Variants in CLDN16 observed in about 807,000 individuals in gnomAD.
CLDN16 encodes claudin-16.
CLDN16 carries 13 observed loss-of-function variants against 24.6 expected under a neutral mutation model. The observed-to-expected ratio is 0.53, with a 90% confidence interval of 0.34 to 0.84. CLDN16 has a LOEUF of 0.84. Among genes scored for constraint, CLDN16 ranks in the 40% least tolerant of loss-of-function variants. The probability of loss-of-function intolerance (pLI) is 0.01; values close to 1 mark genes in which losing one functional copy is unlikely to be tolerated. For synonymous variants in CLDN16, 116 were observed against 106.7 expected (o/e 1.09, Z -0.54); for missense variants, 298 against 292.7 (o/e 1.02, Z -0.13).
chr3:190,314,287 A>G, the CLDN16 span, among the ~76,000 whole-genome samples: 1 of 152,222 alleles, frequency 6.6e-6, no homozygotes, highest in Non-Finnish European at 1.5e-5. Flanking sequence ...AACTTAGGTC[A>G]CCAATCATAA....
At chr3:190,378,067 A>G (rs1358874605) in intron 3 of CLDN16, among the ~76,000 whole-genome samples, 1 of 151,932 alleles carries the variant, frequency 6.6e-6, no homozygotes, top group African/African-American at 2.4e-5. Flanking sequence ...TCCATTATTT[A>G]CTTACTGGAA....
At chr3:190,401,965 A>ATT (rs964517440) in intron 1 of CLDN16, among the ~76,000 whole-genome samples, 2 of 151,242 alleles carry the variant, frequency 1.3e-5, no homozygotes, top group Admixed American at 1.3e-4. Context: ...ATATATATAT[A>ATT]TTTTTTGGTG....
At chr3:190,363,304 A>G (rs1717940472) in intron 1 of CLDN16, among the ~76,000 whole-genome samples, 1 of 149,780 alleles carries the variant, frequency 6.7e-6, no homozygotes, top group African/African-American at 2.4e-5. Context: ...TTTTTCTACA[A>G]CTCCCATTTA....
chr3:190,303,039 T>A, the CLDN16 span, among the ~76,000 whole-genome samples: 87,637 of 151,728 alleles, frequency 0.58, 25,986 homozygotes, highest in African/African-American at 0.71. Context: ...ATTTAAAATA[T>A]TTATTTCCAC....
At chr3:190,322,099 G>A (rs72466472), upstream of CLDN16, 57,434 of 1,614,160 alleles carry the variant, frequency 0.036, 1,282 homozygotes, top group South Asian at 0.08. Flanking sequence ...TGTTGTCGCC[G>A]GCATAGGAGT....
the CLDN16 span, among the ~76,000 whole-genome samples, chr3:190,314,385 A>G: frequency 6.6e-6 from 1 of 152,114 alleles, no homozygotes; most frequent in Admixed American, 6.6e-5. Context: ...TGATAAAATT[A>G]TAGTAATCTC....
rs1302060265 is a variant in CLDN16 at position 190,410,072 on chromosome 3, A to G, written c.*36A>G. On this transcript the variant is annotated 3_prime_UTR_variant, in exon 5 of 5. Transcript: ENST00000264734. ...TCAGGGTGTGTTTGCATATGATTTA[A>G]TCAATCAGTATGGTTACATTGATAA... The G allele has an allele frequency of 6.2e-7, 1 of 1,608,262 alleles. No individual in the cohort carries two copies. The highest frequency in any genetic ancestry group is 8.5e-7 in the Non-Finnish European group (1 of 1,174,678).
In CLDN16 at chr3:190,332,608, G is replaced by A. The variant is rs544709367; in HGVS notation, n.121+9947G>A. Among the ~76,000 whole-genome samples the A allele has an allele frequency of 5.3e-5, 8 of 152,206 alleles. No homozygotes were observed. The South Asian group carries it at 8.3e-4, about 16-fold the overall frequency. Reference sequence around the variant, plus strand: ...TAAAATTATCTCTAAGGTCTCCTCCGACACTTAAATTTTTCCACTATTAAT... The same window carrying A: ...TAAAATTATCTCTAAGGTCTCCTCCAACACTTAAATTTTTCCACTATTAAT... On this transcript the variant is annotated intron_variant and non_coding_transcript_variant, in intron 1 of 4. Coordinates refer to the CLDN16 transcript ENST00000468220.
At chr3:190,311,211 T>C in the CLDN16 span, among the ~76,000 whole-genome samples, 4 of 152,190 alleles carry the variant, frequency 2.6e-5, no homozygotes, top group African/African-American at 9.7e-5. Context: ...TGCAGTCACA[T>C]GTGGGAGTTA....
At chr3:190,355,549 A>G (rs1560086272) in intron 1 of CLDN16, among the ~76,000 whole-genome samples, 2 of 151,920 alleles carry the variant, frequency 1.3e-5, no homozygotes, top group South Asian at 4.1e-4. Flanking sequence ...CTTCTTAAGA[A>G]TTTAAAACAA....
intron 1 of CLDN16, among the ~76,000 whole-genome samples, chr3:190,357,842 A>G (rs533472732): frequency 6.6e-6 from 1 of 152,036 alleles, no homozygotes; most frequent in South Asian, 2.1e-4. Context: ...CTTCTCCATA[A>G]TCCCCAAGCA....
At chr3:190,348,087 CAA>C (rs777398020) in intron 1 of CLDN16, among the ~76,000 whole-genome samples, 67 of 97,404 alleles carry the variant, frequency 6.9e-4, no homozygotes, top group African/African-American at 1.8e-3. Context: ...ACTGAAAATA[CAA>C]AAAAAAAAAA....
chr3:190,319,710 C>A (rs936727216), upstream of CLDN16, among the ~76,000 whole-genome samples: 1 of 152,186 alleles, frequency 6.6e-6, no homozygotes, highest in Admixed American at 6.5e-5. Context: ...TAATGAAATG[C>A]AGCTTTTTTC....
upstream of CLDN16, among the ~76,000 whole-genome samples, chr3:190,386,802 G>A (rs190952461): frequency 1.2e-3 from 179 of 152,048 alleles, 1 homozygote; most frequent in African/African-American, 4.1e-3. Flanking sequence ...TTAAATTTAC[G>A]TTTTATATAC....
the CLDN16 span, among the ~76,000 whole-genome samples, chr3:190,315,288 C>A: frequency 1.3e-5 from 2 of 152,126 alleles, no homozygotes; most frequent in Admixed American, 1.3e-4. Flanking sequence ...TTGCCTGGAA[C>A]AGTCCTAGCT....
At chr3:190,323,314 G>A (rs1560077904) in intron 1 of CLDN16, among the ~76,000 whole-genome samples, 1 of 152,166 alleles carries the variant, frequency 6.6e-6, no homozygotes, top group Non-Finnish European at 1.5e-5. Context: ...GTTGTTCGTC[G>A]CAGGTGAGGA....
intron 1 of CLDN16, among the ~76,000 whole-genome samples, chr3:190,347,732 G>A (rs1252675912): frequency 6.6e-6 from 1 of 152,174 alleles, no homozygotes; most frequent in Non-Finnish European, 1.5e-5. Context: ...TCAATGATTG[G>A]TACAGATTAC....
At chr3:190,387,035 G>A (rs1395835802), upstream of CLDN16, among the ~76,000 whole-genome samples, 2 of 151,942 alleles carry the variant, frequency 1.3e-5, no homozygotes, top group African/African-American at 4.8e-5. Flanking sequence ...CCTCTTTCTG[G>A]CCTTTTCTCT....
intron 3 of CLDN16, among the ~76,000 whole-genome samples, chr3:190,381,273 G>A (rs1718364607): frequency 6.6e-6 from 1 of 152,094 alleles, no homozygotes; most frequent in Admixed American, 6.6e-5. Flanking sequence ...GTTTAAAAGT[G>A]TAAGTAGATG....
Sources: allele counts gnomAD v4.1 joint callset (sites outside exome capture counted in the v4.1 genomes callset), GRCh38; gene constraint gnomAD v4.1.1; transcripts MANE v1.5; gene names NCBI Gene and HGNC (gene_info 2026-07-23, HGNC 2026-07-21).